Variants in PCDH11X observed in about 807,000 individuals in gnomAD.
PCDH11X encodes protocadherin 11 X-linked, also known as protocadherin-11 X-linked.
Under a neutral mutation model 53.3 loss-of-function variants are expected in PCDH11X, and 18 were observed. The observed-to-expected ratio is 0.34, with a 90% CI of 0.23 to 0.50. PCDH11X has a LOEUF of 0.50. PCDH11X is among the 20% of genes least tolerant of loss of function. The pLI, the probability that PCDH11X is intolerant of heterozygous loss-of-function variation, is 0.98. For synonymous variants in PCDH11X, 279 were observed against 393.3 expected (o/e 0.71, Z 3.44); for missense variants, 570 against 1,032.4 (o/e 0.55, Z 6.14).
At chrX:92,582,889 T>C (rs775671885) in intron 10 of PCDH11X, among the ~76,000 whole-genome samples, 7 of 109,532 alleles carry the variant, frequency 6.4e-5, no homozygotes, top group South Asian at 3.9e-4. Context: ...GGAGATCATT[T>C]TGATGCTTTA....
chrX:92,139,728 G>A (rs184771916), intron 6 of PCDH11X, among the ~76,000 whole-genome samples: 29 of 111,624 alleles, frequency 2.6e-4, no homozygotes, highest in Non-Finnish European at 4.3e-4. Context: ...CAAATGTTTT[G>A]ATAATTTGTT....
intron 6 of PCDH11X, chrX:92,113,936 TG>T (rs2148163690): frequency 8.3e-7 from 1 of 1,203,929 alleles, no homozygotes; most frequent in South Asian, 1.8e-5. Context: ...AACATCTTGA[TG>T]TATTTGGGAG....
chrX:91,839,990 C>A (rs1937464450), intron 5 of PCDH11X, among the ~76,000 whole-genome samples: 1 of 111,501 alleles, frequency 9.0e-6, no homozygotes, highest in Non-Finnish European at 1.9e-5. Flanking sequence ...TCACAGATCT[C>A]TTTAACTTTC....
Position 92,211,602 on chromosome X carries a change from A to T in PCDH11X, c.3114+10147A>T, listed in dbSNP as rs1287753430. Among the ~76,000 whole-genome samples the T allele has an allele frequency of 2.7e-5, 3 of 112,194 alleles. No individual in the cohort carries two copies. In the Admixed American group the frequency reaches 2.8e-4, roughly 11 times the overall value. ...TGGAATAGTGCTAACAGGATCACTA[A>T]TTCAATATGTTAGCAGTAAATTTAC... On this transcript the variant is annotated intron_variant, in intron 7 of 10. Transcript: ENST00000682573.
At chrX:92,113,594 C>T (rs1442508439) in intron 6 of PCDH11X, 42 of 1,195,311 alleles carry the variant, frequency 3.5e-5, no homozygotes, top group Non-Finnish European at 4.1e-5. Context: ...TGCATCTTCT[C>T]GGTGAGCCAG....
At chrX:92,579,959 T>C (rs373364542) in intron 10 of PCDH11X, among the ~76,000 whole-genome samples, 30 of 109,853 alleles carry the variant, frequency 2.7e-4, no homozygotes, top group Admixed American at 5.8e-4. Flanking sequence ...GCTTTCTGTT[T>C]GCTTGCTTTT....
intron 6 of PCDH11X, among the ~76,000 whole-genome samples, chrX:91,913,066 C>A (rs1440233347): frequency 9.0e-6 from 1 of 111,237 alleles, no homozygotes; most frequent in African/African-American, 3.3e-5. Flanking sequence ...CACCTCTAAC[C>A]TAGAAAGGCC....
At chrX:91,970,918 A>G (rs1273567974) in intron 6 of PCDH11X, among the ~76,000 whole-genome samples, 1 of 111,857 alleles carries the variant, frequency 8.9e-6, no homozygotes, top group African/African-American at 3.2e-5. Context: ...AATGAGCTAT[A>G]AAGACAAAAT....
intron 4 of PCDH11X, among the ~76,000 whole-genome samples, chrX:91,824,208 T>C (rs1359053554): frequency 3.6e-5 from 4 of 111,206 alleles, no homozygotes; most frequent in African/African-American, 1.3e-4. Context: ...TTTCCTGAAT[T>C]TGAATGTTGG....
At chrX:92,243,309 A>AT (rs2067294046) in intron 7 of PCDH11X, among the ~76,000 whole-genome samples, 1 of 111,868 alleles carries the variant, frequency 8.9e-6, no homozygotes, top group Non-Finnish European at 1.9e-5. Context: ...ATCAAGGTAC[A>AT]TTATTTTATT....
At chrX:91,918,925 G>C (rs1381292609) in intron 6 of PCDH11X, among the ~76,000 whole-genome samples, 2 of 111,248 alleles carry the variant, frequency 1.8e-5, no homozygotes, top group Non-Finnish European at 3.8e-5. Flanking sequence ...ACTTAAGAGG[G>C]AAATGCATGT....
At chrX:91,996,168 C>T (rs1458510477) in intron 6 of PCDH11X, among the ~76,000 whole-genome samples, 7 of 54,161 alleles carry the variant, frequency 1.3e-4, no homozygotes, top group South Asian at 1.4e-3. Context: ...TTTTTTGAGA[C>T]GGAGGTTCAG....
chrX:92,008,051 TCTC>T (rs1052254713), intron 6 of PCDH11X, among the ~76,000 whole-genome samples: 15 of 110,343 alleles, frequency 1.4e-4, no homozygotes, highest in Non-Finnish European at 2.1e-4. Flanking sequence ...CACCCTTCCT[TCTC>T]CTCTCTTCAA....
At chrX:92,390,088 G>A (rs974000526) in intron 9 of PCDH11X, among the ~76,000 whole-genome samples, 3 of 110,565 alleles carry the variant, frequency 2.7e-5, no homozygotes, top group Non-Finnish European at 5.7e-5. Context: ...CTTATGCAAA[G>A]GGTAGATATA....
Position 92,523,126 on chromosome X carries a change from T to A in PCDH11X, c.3367+54804T>A, listed in dbSNP as rs2074394554. ...TATTTTAATGTCTTTTCCCCCAGAA[T>A]AACATCAAAGCGACAGGCAATCCAT... On this transcript the variant is annotated intron_variant, in intron 10 of 10. Coordinates refer to ENST00000682573, the MANE Select transcript of PCDH11X (RefSeq NM_032968.5). Among the ~76,000 whole-genome samples the A allele has an allele frequency of 3.6e-5, 4 of 112,142 alleles. No homozygotes were observed. The South Asian group carries it at 1.5e-3, about 41-fold the overall frequency.
intron 10 of PCDH11X, among the ~76,000 whole-genome samples, chrX:92,521,417 C>A (rs1030949623): frequency 5.4e-5 from 6 of 110,947 alleles, no homozygotes; most frequent in African/African-American, 2.0e-4. Flanking sequence ...TTCTCAGCCG[C>A]AGATCTAAAC....
intron 1 of PCDH11X, among the ~76,000 whole-genome samples, chrX:91,795,195 C>T (rs1279878299): frequency 8.9e-6 from 1 of 111,909 alleles, no homozygotes; most frequent in Non-Finnish European, 1.9e-5. Context: ...TTGGAAGTAA[C>T]TTAAAACACA....
At chrX:92,014,583 C>T (rs188094428) in intron 6 of PCDH11X, among the ~76,000 whole-genome samples, 30 of 110,245 alleles carry the variant, frequency 2.7e-4, no homozygotes, top group Non-Finnish European at 4.4e-4. Context: ...GACACATGCA[C>T]ACGTATGTTT....
At chrX:92,301,513 G>A (rs868659013) in intron 8 of PCDH11X, among the ~76,000 whole-genome samples, 2 of 110,529 alleles carry the variant, frequency 1.8e-5, no homozygotes, top group Middle Eastern at 4.7e-3. Flanking sequence ...AGCAGTTCTC[G>A]CTGCTACCTC....
Sources: gnomAD v4.1 joint callset for allele counts (sites outside exome capture counted in the v4.1 genomes callset) on GRCh38, gnomAD v4.1.1 for gene constraint, MANE v1.5 for transcripts, NCBI Gene and HGNC (gene_info 2026-07-23, HGNC 2026-07-21) for gene names.